Variants in PTPRG observed in about 807,000 individuals in gnomAD.
PTPRG encodes the protein receptor-type tyrosine-protein phosphatase gamma.
PTPRG carries 102 observed loss-of-function variants against 165.3 expected under a neutral mutation model. The ratio of observed to expected loss-of-function variants is 0.62; its 90% confidence interval spans 0.53 to 0.73. PTPRG has a LOEUF of 0.73. Among genes scored for constraint, PTPRG ranks in the 30% least tolerant of loss-of-function variants. The pLI, the probability that PTPRG is intolerant of heterozygous loss-of-function variation, is 0.00. For synonymous variants in PTPRG, 675 were observed against 669.5 expected (o/e 1.01, Z -0.13); for missense variants, 1,866 against 1,861.4 (o/e 1.00, Z -0.05).
At chr3:62,169,524 A>G (rs890763324) in intron 8 of PTPRG, among the ~76,000 whole-genome samples, 2 of 152,126 alleles carry the variant, frequency 1.3e-5, no homozygotes, top group African/African-American at 4.8e-5. Context: ...CCAGGAAACT[A>G]GAACTTCTGG....
At chr3:62,060,024 T>C (rs2106685361) in intron 4 of PTPRG, among the ~76,000 whole-genome samples, 1 of 151,962 alleles carries the variant, frequency 6.6e-6, no homozygotes, top group East Asian at 1.9e-4. Context: ...ATTAGCAGCA[T>C]GAAGACAGAT....
chr3:62,285,159 G>A (rs1229786992), intron 28 of PTPRG, among the ~76,000 whole-genome samples: 1 of 152,002 alleles, frequency 6.6e-6, no homozygotes, highest in Non-Finnish European at 1.5e-5. Context: ...AGTCTCCACC[G>A]GGGGAAACCC....
chr3:61,966,008 A>C (rs2040262792), intron 2 of PTPRG, among the ~76,000 whole-genome samples: 1 of 152,222 alleles, frequency 6.6e-6, no homozygotes, highest in African/African-American at 2.4e-5. Flanking sequence ...GGCAAAAACA[A>C]ATCTATTCTA....
chr3:61,916,650 TTA>T (rs1306795352), intron 2 of PTPRG, among the ~76,000 whole-genome samples: 16 of 152,358 alleles, frequency 1.1e-4, no homozygotes, highest in Non-Finnish European at 1.6e-4. Context: ...CTTTTAATCA[TTA>T]TATGTTTTTA....
chr3:61,853,672 T>C (rs1008672934), intron 2 of PTPRG, among the ~76,000 whole-genome samples: 7 of 152,234 alleles, frequency 4.6e-5, no homozygotes, highest in African/African-American at 1.7e-4. Context: ...TAAATGTTTA[T>C]TGATGTTCTA....
chr3:61,774,424 T>C (rs981622816), intron 2 of PTPRG, among the ~76,000 whole-genome samples: 7 of 152,200 alleles, frequency 4.6e-5, no homozygotes, highest in South Asian at 2.1e-4. Context: ...GTCTTATATA[T>C]ACGAAATGTG....
At chr3:62,133,875 C>T (rs567036293) in intron 6 of PTPRG, among the ~76,000 whole-genome samples, 3 of 151,896 alleles carry the variant, frequency 2.0e-5, no homozygotes, top group Non-Finnish European at 4.4e-5. Flanking sequence ...CCCAGCTACT[C>T]GAGAGGCTGA....
At chr3:62,105,805 C>G (rs1702454490) in intron 5 of PTPRG, among the ~76,000 whole-genome samples, 1 of 152,058 alleles carries the variant, frequency 6.6e-6, no homozygotes, top group Non-Finnish European at 1.5e-5. Flanking sequence ...AGTCAGTTGC[C>G]CAACATTCAT....
At chr3:61,623,908 C>T (rs12635884) in intron 1 of PTPRG, among the ~76,000 whole-genome samples, 15,385 of 152,172 alleles carry the variant, frequency 0.1, 850 homozygotes, top group East Asian at 0.2. Context: ...CTGCCAAGCA[C>T]CAAATACAGC....
intron 1 of PTPRG, among the ~76,000 whole-genome samples, chr3:61,737,000 A>C (rs2032747405): frequency 6.6e-6 from 1 of 152,136 alleles, no homozygotes; most frequent in South Asian, 2.1e-4. Context: ...GACTTGGTGC[A>C]TCTTCAGCCT....
intron 2 of PTPRG, among the ~76,000 whole-genome samples, chr3:61,813,543 C>CTGTG (rs58097355): frequency 0.1 from 11,770 of 116,718 alleles, 740 homozygotes; most frequent in Non-Finnish European, 0.11. Flanking sequence ...AAAAGAAAAT[C>CTGTG]TGTGTGTGTG....
chr3:61,994,682 A>G (rs2040977522), intron 3 of PTPRG, among the ~76,000 whole-genome samples: 1 of 152,224 alleles, frequency 6.6e-6, no homozygotes. Context: ...TAGCAACTTA[A>G]GAGCACACAG....
chr3:61,810,479 ATAAGC>A (rs2035542216), intron 2 of PTPRG, among the ~76,000 whole-genome samples: 2 of 152,220 alleles, frequency 1.3e-5, no homozygotes, highest in Non-Finnish European at 2.9e-5. Flanking sequence ...GGTGCCCTGT[ATAAGC>A]AACGACAGTG....
chr3:61,713,271 C>G (rs1186595528), intron 1 of PTPRG, among the ~76,000 whole-genome samples: 7 of 151,798 alleles, frequency 4.6e-5, no homozygotes, highest in East Asian at 1.9e-4. Context: ...AGTGATTTTC[C>G]TGCCTCAGCT....
rs1419694039 is a variant in PTPRG at position 62,190,588 on chromosome 3, C to T, written c.1034-881C>T. On this transcript the variant is annotated intron_variant, in intron 8 of 29. Coordinates refer to ENST00000474889, the MANE Select transcript of PTPRG (RefSeq NM_002841.4). The surrounding 1 kb of genome is among the most constrained non-coding windows in gnomAD (Gnocchi z 5.2). ...GATGAATGAGCCTGACTTTTCCTTA[C>T]ACCCCACGTCAGGATAATTACACGG... 6.6e-6 allele frequency among the ~76,000 whole-genome samples: 1 copy of T among 152,214 alleles called. No homozygotes were observed. Among genetic ancestry groups the T allele is most frequent in the African/African-American group, 2.4e-5 (1 of 41,466 alleles).
chr3:61,630,306 C>T (rs2106925679), intron 1 of PTPRG, among the ~76,000 whole-genome samples: 1 of 152,292 alleles, frequency 6.6e-6, no homozygotes, highest in South Asian at 2.1e-4. Context: ...AAGGAGTTGA[C>T]TTGAGCTAAC....
At chr3:61,925,081 ATTAG>A (rs1281712987) in intron 2 of PTPRG, among the ~76,000 whole-genome samples, 2 of 152,350 alleles carry the variant, frequency 1.3e-5, no homozygotes, top group Admixed American at 6.5e-5. Flanking sequence ...ATAAATTTCT[ATTAG>A]TTAAGCCACC....
intron 4 of PTPRG, among the ~76,000 whole-genome samples, chr3:62,064,933 C>T (rs142073408): frequency 1.3e-5 from 2 of 152,010 alleles, no homozygotes; most frequent in Non-Finnish European, 2.9e-5. Flanking sequence ...GGGCTTTCAC[C>T]ATGTTAGCCA....
At chr3:62,055,741 C>T (rs1700611757) in intron 4 of PTPRG, among the ~76,000 whole-genome samples, 2 of 152,110 alleles carry the variant, frequency 1.3e-5, no homozygotes, top group South Asian at 2.1e-4. Context: ...CATTTCTTGG[C>T]TTTGTAGATG....
Sources: gnomAD v4.1 joint callset for allele counts (sites outside exome capture counted in the v4.1 genomes callset) on GRCh38, gnomAD v4.1.1 for gene constraint, Gnocchi (gnomAD v3.1) non-coding constraint, MANE v1.5 for transcripts, NCBI Gene and HGNC (gene_info 2026-07-23, HGNC 2026-07-21) for gene names.